IGF2BP2: variants seen among roughly 807,000 people sequenced by gnomAD.
IGF2BP2 encodes insulin-like growth factor 2 mRNA-binding protein 2.
IGF2BP2 carries 17 observed loss-of-function variants against 75.8 expected under a neutral mutation model. That is an observed-to-expected ratio of 0.22 (90% confidence interval 0.15 to 0.34). The LOEUF is 0.34. Among genes scored for constraint, IGF2BP2 ranks in the 10% least tolerant of loss-of-function variants. The pLI is 1.00. For missense variants in IGF2BP2, 516 were observed against 772.4 expected (o/e 0.67, Z 3.93); for synonymous variants, 288 against 295.6 (o/e 0.97, Z 0.26).
chr3:185,691,872 C>T (rs1018461600), intron 5 of IGF2BP2, among the ~76,000 whole-genome samples: 1 of 152,106 alleles, frequency 6.6e-6, no homozygotes, highest in African/African-American at 2.4e-5. Flanking sequence ...GTAGCTGGAA[C>T]TACAGGTGCA....
At chr3:185,706,342 C>G (rs965206163) in intron 2 of IGF2BP2, among the ~76,000 whole-genome samples, 1 of 152,206 alleles carries the variant, frequency 6.6e-6, no homozygotes, top group Non-Finnish European at 1.5e-5. Context: ...GTCAAGGCTG[C>G]TGAAAGCTGT....
intron 2 of IGF2BP2, among the ~76,000 whole-genome samples, chr3:185,811,485 T>C (rs1739815353): frequency 6.6e-6 from 1 of 152,162 alleles, no homozygotes; most frequent in Admixed American, 6.5e-5. Context: ...ACCTTCAGTG[T>C]CCATAAAAAA....
At chr3:185,651,186 C>G (rs1714540535) in intron 13 of IGF2BP2, among the ~76,000 whole-genome samples, 1 of 152,134 alleles carries the variant, frequency 6.6e-6, no homozygotes, top group Non-Finnish European at 1.5e-5. Context: ...GTTGGGATTA[C>G]AGGAATGAGC....
intron 2 of IGF2BP2, among the ~76,000 whole-genome samples, chr3:185,814,991 C>G (rs1388059936): frequency 2.0e-5 from 3 of 152,102 alleles, no homozygotes; most frequent in African/African-American, 7.2e-5. Context: ...GCATGCCAAT[C>G]TTTGTGCAAC....
At chr3:185,749,472 T>A (rs1269766735) in intron 2 of IGF2BP2, among the ~76,000 whole-genome samples, 1 of 152,250 alleles carries the variant, frequency 6.6e-6, no homozygotes. Context: ...TTAAAGTTGA[T>A]ACAAGAAGTA....
chr3:185,818,699 G>A (rs529704689), intron 2 of IGF2BP2, among the ~76,000 whole-genome samples: 1 of 152,238 alleles, frequency 6.6e-6, no homozygotes, highest in Non-Finnish European at 1.5e-5. Flanking sequence ...AGAGGACTTG[G>A]AAGAGTGATT....
chr3:185,795,806 A>AACCC (rs1737295174), intron 2 of IGF2BP2, among the ~76,000 whole-genome samples: 1 of 152,184 alleles, frequency 6.6e-6, no homozygotes, highest in African/African-American at 2.4e-5. Flanking sequence ...GAACTGCATG[A>AACCC]ACCCAGCAGG....
At chr3:185,710,720 G>A (rs965534627) in intron 2 of IGF2BP2, among the ~76,000 whole-genome samples, 16 of 151,944 alleles carry the variant, frequency 1.1e-4, no homozygotes, top group Admixed American at 5.9e-4. Flanking sequence ...GCAATAGAGC[G>A]AGACTCAGTC....
chr3:185,716,675 G>C (rs769609318), intron 2 of IGF2BP2: 4 of 520,032 alleles, frequency 7.7e-6, no homozygotes, highest in African/African-American at 1.9e-5. Context: ...ATCTGGTTAA[G>C]GAGAGTGTAT....
rs536315627 is a variant in IGF2BP2 at position 185,700,105 on chromosome 3, G to A, written c.240-1758C>T. ...GGTGTACCACCTTGCGGGGTCAGAG[G>A]TACTAAACAGTGGCTATACACAGTC... is the stretch of plus-strand genomic sequence containing the variant. On this transcript the variant is annotated intron_variant, in intron 2 of 15. Coordinates refer to ENST00000382199, the MANE Select transcript of IGF2BP2 (RefSeq NM_006548.6). Among the ~76,000 whole-genome samples, 30 of 152,138 alleles carry A rather than the reference G, an allele frequency of 2.0e-4. 1 individual carries two copies. In the East Asian group the frequency reaches 3.1e-3, roughly 16 times the overall value.
At chr3:185,658,502 C>A (rs1258715432) in intron 10 of IGF2BP2, 93 bp from the exon 11 acceptor site, 1 of 1,032,722 alleles carries the variant, frequency 9.7e-7, no homozygotes, top group Middle Eastern at 2.1e-4. Flanking sequence ...GACACAGGCT[C>A]TCTGTGGCAT....
At chr3:185,743,077 C>T (rs551875129) in intron 2 of IGF2BP2, among the ~76,000 whole-genome samples, 15 of 151,674 alleles carry the variant, frequency 9.9e-5, no homozygotes, top group South Asian at 6.3e-4. Context: ...CCAGCCTGGG[C>T]GACAGAGTGA....
At position 185,692,683 on chromosome 3, in the gene IGF2BP2, G is replaced by A; in HGVS notation, c.404+16C>T. ...AACAAATAAATTTAAACAGAAATAAGCCCAAATCTGCTTACATTTTTGCTT... is the reference window on the plus strand; with the variant it reads ...AACAAATAAATTTAAACAGAAATAAACCCAAATCTGCTTACATTTTTGCTT... On this transcript the variant is annotated intron_variant, in intron 5 of 15. Coordinates refer to ENST00000382199, the MANE Select transcript of IGF2BP2 (RefSeq NM_006548.6). 3 of 1,595,098 alleles carry A rather than the reference G, an allele frequency of 1.9e-6. No individual in the cohort carries two copies. Among genetic ancestry groups the A allele is most frequent in the Non-Finnish European group, 2.6e-6 (3 of 1,164,474 alleles).
chr3:185,798,155 T>C (rs994950828), intron 2 of IGF2BP2, among the ~76,000 whole-genome samples: 1 of 151,996 alleles, frequency 6.6e-6, no homozygotes, highest in Non-Finnish European at 1.5e-5. Context: ...GAGCTGAGAT[T>C]GCGCCACTGC....
chr3:185,816,922 A>T (rs1454928792), intron 2 of IGF2BP2, among the ~76,000 whole-genome samples: 1 of 152,238 alleles, frequency 6.6e-6, no homozygotes, highest in East Asian at 1.9e-4. Context: ...CACTACAGCA[A>T]ATCCTTACTT....
chr3:185,661,905 G>A lies in IGF2BP2; in HGVS notation c.1201-3496C>T, dbSNP rs1272135644. Among the ~76,000 whole-genome samples the A allele has an allele frequency of 3.9e-5, 6 of 152,168 alleles. No homozygotes were observed. In the East Asian group the frequency reaches 1.2e-3, roughly 29 times the overall value. On this transcript the variant is annotated intron_variant, in intron 10 of 15. Transcript: ENST00000382199. ...AGGGAGGAGATGGAGCCCCAGAAAA[G>A]GCACTGGGACGGAGCATTCTAAGCA... is the stretch of plus-strand genomic sequence containing the variant.
chr3:185,666,262 G>A (rs1717609492), intron 10 of IGF2BP2, among the ~76,000 whole-genome samples: 1 of 152,192 alleles, frequency 6.6e-6, no homozygotes. Flanking sequence ...ACAAGAAGCT[G>A]TTTGTAGTGA....
At chr3:185,684,308 A>T (rs930838453) in intron 7 of IGF2BP2, among the ~76,000 whole-genome samples, 1 of 151,502 alleles carries the variant, frequency 6.6e-6, no homozygotes, top group African/African-American at 2.4e-5. Flanking sequence ...ATTCTCTGAA[A>T]CCCCCAAATC....
At chr3:185,741,074 CTG>C (rs1729490447) in intron 2 of IGF2BP2, among the ~76,000 whole-genome samples, 1 of 152,090 alleles carries the variant, frequency 6.6e-6, no homozygotes, top group African/African-American at 2.4e-5. Flanking sequence ...CGGGGTTTCA[CTG>C]TGTTAGCCAG....
Sources: gnomAD v4.1 joint callset for allele counts (sites outside exome capture counted in the v4.1 genomes callset) on GRCh38, gnomAD v4.1.1 for gene constraint, MANE v1.5 for transcripts, NCBI Gene and HGNC (gene_info 2026-07-23, HGNC 2026-07-21) for gene names.